LRP1B: variants seen among roughly 807,000 people sequenced by gnomAD.
The protein encoded by LRP1B is LDL receptor related protein 1B.
LRP1B carries 217 observed loss-of-function variants against 556.6 expected under a neutral mutation model. That is an observed-to-expected ratio of 0.39 (90% CI 0.35 to 0.44). LRP1B has a LOEUF of 0.44. Among genes scored for constraint, LRP1B ranks in the 20% least tolerant of loss-of-function variants. LRP1B has a pLI of 1.00. For missense variants in LRP1B, 5,053 were observed against 5,620.8 expected, an observed-to-expected ratio of 0.90 and a Z score of 3.23; for synonymous variants, 2,047 against 1,865.8, an observed-to-expected ratio of 1.10 and a Z score of -2.50.
At chr2:141,834,703 C>T (rs1287498818) in intron 1 of LRP1B, among the ~76,000 whole-genome samples, 1 of 151,814 alleles carries the variant, frequency 6.6e-6, no homozygotes, top group African/African-American at 2.4e-5. Context: ...TCCAGTTTCA[C>T]AGAGTGGGTA....
intron 20 of LRP1B, among the ~76,000 whole-genome samples, chr2:140,937,488 G>A (rs1008816000): frequency 6.6e-6 from 1 of 152,092 alleles, no homozygotes; most frequent in African/African-American, 2.4e-5. Context: ...TAGAGTTACA[G>A]TTTTGCGAGA....
intron 59 of LRP1B, among the ~76,000 whole-genome samples, chr2:140,477,628 T>C (rs1688028534): frequency 6.6e-6 from 1 of 152,190 alleles, no homozygotes; most frequent in South Asian, 2.1e-4. Flanking sequence ...ACTACAAATT[T>C]CAAGTGGTCT....
chr2:141,840,878 A>C (rs1697445921), intron 1 of LRP1B, among the ~76,000 whole-genome samples: 1 of 152,056 alleles, frequency 6.6e-6, no homozygotes, highest in Non-Finnish European at 1.5e-5. Flanking sequence ...CATATTTCAT[A>C]ATAAGTACCT....
chr2:140,748,111 ATATATATATATATATATATATATAT>A (rs1416223711), intron 35 of LRP1B, among the ~76,000 whole-genome samples: 114 of 129,210 alleles, frequency 8.8e-4, no homozygotes, highest in African/African-American at 2.1e-3. Context: ...ATATATATAT[ATATATATATATATATATATATATAT>A]AATTCATATA....
intron 1 of LRP1B, among the ~76,000 whole-genome samples, chr2:141,822,116 C>CAGAGAGAG (rs1178777835): frequency 8.3e-4 from 85 of 102,228 alleles, no homozygotes; most frequent in African/African-American, 3.6e-3. Flanking sequence ...CACACACACA[C>CAGAGAGAG]ACACACACAC....
At chr2:140,971,624 G>A (rs1240660591) in intron 18 of LRP1B, among the ~76,000 whole-genome samples, 2 of 152,156 alleles carry the variant, frequency 1.3e-5, no homozygotes, top group African/African-American at 4.8e-5. Flanking sequence ...GACAAGGTCA[G>A]GAGATCGAGA....
At chr2:141,772,826 C>T (rs933979829) in intron 2 of LRP1B, among the ~76,000 whole-genome samples, 2 of 152,174 alleles carry the variant, frequency 1.3e-5, no homozygotes, top group Admixed American at 6.5e-5. Context: ...TTTTCTGCCC[C>T]TGCATGTTCT....
At chr2:141,004,133 A>G (rs1697502614) in intron 15 of LRP1B, among the ~76,000 whole-genome samples, 1 of 152,108 alleles carries the variant, frequency 6.6e-6, no homozygotes, top group Non-Finnish European at 1.5e-5. Flanking sequence ...CAATCATTAT[A>G]AGTGATAAAA....
chr2:141,869,441 C>A (rs1698514825), intron 1 of LRP1B, among the ~76,000 whole-genome samples: 1 of 151,790 alleles, frequency 6.6e-6, no homozygotes, highest in African/African-American at 2.4e-5. Context: ...CATTATTAAC[C>A]AAAATTATAT....
At position 141,269,898 on chromosome 2, in the gene LRP1B, A is replaced by C. The variant is rs187925917; in HGVS notation, c.344-15257T>G. Among the ~76,000 whole-genome samples, 539 of 152,258 alleles carry C rather than the reference A, an allele frequency of 3.5e-3. 6 individuals carry two copies. The highest frequency in any genetic ancestry group is 6.8e-3 in the Middle Eastern group (2 of 294). ...AAAAAACTTTTGAAAACATGCTTAA[A>C]TAAGTAAAGGAATGATATGACAACA... On this transcript the variant is annotated intron_variant, in intron 3 of 90. Coordinates refer to ENST00000389484, the MANE Select transcript of LRP1B (RefSeq NM_018557.3).
chr2:141,066,021 G>A (rs1328690273), intron 7 of LRP1B, among the ~76,000 whole-genome samples: 1 of 151,878 alleles, frequency 6.6e-6, no homozygotes, highest in Non-Finnish European at 1.5e-5. Flanking sequence ...GCAGCAAAAA[G>A]GGGCATTGCT....
intron 86 of LRP1B, among the ~76,000 whole-genome samples, chr2:140,248,808 T>G (rs1386217081): frequency 6.6e-6 from 1 of 151,472 alleles, no homozygotes; most frequent in Admixed American, 6.6e-5. Flanking sequence ...AAACATGTTC[T>G]TGGAGTGAAT....
chr2:140,727,365 T>C (rs1408905984), intron 35 of LRP1B, among the ~76,000 whole-genome samples: 1 of 152,198 alleles, frequency 6.6e-6, no homozygotes, highest in Non-Finnish European at 1.5e-5. Context: ...TGTGCCTTTC[T>C]TCCCTGAGGA....
intron 11 of LRP1B, among the ~76,000 whole-genome samples, chr2:141,044,120 T>A (rs901283839): frequency 3.3e-5 from 5 of 151,718 alleles, no homozygotes; most frequent in Non-Finnish European, 7.4e-5. Context: ...ACGCCGCATA[T>A]CTACAGCTAT....
chr2:141,625,717 T>A (rs547547925), intron 2 of LRP1B, among the ~76,000 whole-genome samples: 1 of 152,276 alleles, frequency 6.6e-6, no homozygotes, highest in South Asian at 2.1e-4. Context: ...TAGTTACTTT[T>A]TATAGACATC....
intron 1 of LRP1B, among the ~76,000 whole-genome samples, chr2:141,966,983 G>A (rs1226713676): frequency 6.6e-6 from 1 of 151,804 alleles, no homozygotes; most frequent in African/African-American, 2.4e-5. Flanking sequence ...ATAACGTCCT[G>A]TGGACAATCA....
At chr2:142,007,846 T>G (rs1426427975) in intron 1 of LRP1B, among the ~76,000 whole-genome samples, 2 of 152,168 alleles carry the variant, frequency 1.3e-5, no homozygotes, top group Non-Finnish European at 2.9e-5. Flanking sequence ...TAAGTGTAAG[T>G]TATTTAACTT....
intron 20 of LRP1B, among the ~76,000 whole-genome samples, chr2:140,935,672 C>G (rs1366229679): frequency 6.7e-6 from 1 of 150,124 alleles, no homozygotes; most frequent in Non-Finnish European, 1.5e-5. Flanking sequence ...CAACCATCCC[C>G]AAGTGGGATA....
At chr2:140,285,177 A>G (rs900551175) in intron 84 of LRP1B, among the ~76,000 whole-genome samples, 34 of 149,958 alleles carry the variant, frequency 2.3e-4, no homozygotes, top group African/African-American at 7.6e-4. Flanking sequence ...ATACATATAC[A>G]TATCTACATC....
Sources: allele counts gnomAD v4.1 joint callset (sites outside exome capture counted in the v4.1 genomes callset), GRCh38; gene constraint gnomAD v4.1.1; transcripts MANE v1.5; gene names NCBI Gene and HGNC (gene_info 2026-07-23, HGNC 2026-07-21).